The following SOX5 variants were observed in gnomAD, a reference collection of about 807,000 sequenced individuals.
SOX5 encodes SRY-box transcription factor 5, also known as transcription factor SOX-5.
A neutral mutation model predicts 92.0 loss-of-function variants in SOX5; 9 were observed. That is an observed-to-expected ratio of 0.10 (90% CI 0.06 to 0.17). The LOEUF is 0.17. Among genes scored for constraint, SOX5 ranks in the 10% least tolerant of loss-of-function variants. The pLI is 1.00. For missense variants in SOX5, 642 were observed against 944.5 expected (o/e 0.68, Z 4.20); for synonymous variants, 344 against 336.3 (o/e 1.02, Z -0.25).
rs139979415 is a variant in SOX5 at position 24,357,513 on chromosome 12, G to A, written c.-174+11050C>T. 3 of 152,300 alleles carry A rather than the reference G, an allele frequency of 2.0e-5. No homozygotes were observed. In the East Asian group the frequency reaches 5.8e-4, roughly 29 times the overall value. 9.4% of individuals were successfully genotyped at this position (152,300 alleles called of 1,614,324 possible). A position where few individuals can be genotyped will look rare whatever the true frequency, so the allele number is the denominator to read the frequency against. The stretch of plus-strand genomic sequence containing the variant: ...GGGAAAATGCTACAGAAATTAAAAG[G>A]AGATAAGACTACCTACCCCACCAAC... On this transcript the variant is annotated intron_variant, in intron 2 of 4. Transcript: ENST00000446891.
At chr12:23,651,869 A>T (rs2081609606) in intron 7 of SOX5, among the ~76,000 whole-genome samples, 1 of 151,958 alleles carries the variant, frequency 6.6e-6, no homozygotes, top group South Asian at 2.1e-4. Context: ...CCTGTAGTTG[A>T]ACCCATTTCA....
intron 1 of SOX5, among the ~76,000 whole-genome samples, chr12:24,483,501 G>C (rs571229811): frequency 1.8e-4 from 27 of 152,278 alleles, no homozygotes; most frequent in African/African-American, 5.8e-4. Context: ...CAAAACTAAA[G>C]CAAATGAGTA....
chr12:23,905,077 G>A (rs560226020), intron 1 of SOX5, among the ~76,000 whole-genome samples: 71 of 152,300 alleles, frequency 4.7e-4, no homozygotes, highest in African/African-American at 1.6e-3. Flanking sequence ...TTATCTGAAA[G>A]AAATAAATGC....
At chr12:23,767,822 CATATATATAT>C (rs5797038) in intron 3 of SOX5, among the ~76,000 whole-genome samples, 1 of 150,344 alleles carries the variant, frequency 6.7e-6, no homozygotes, top group African/African-American at 2.4e-5. Flanking sequence ...TATCTTCACT[CATATATATAT>C]ATATATATAT....
intron 3 of SOX5, among the ~76,000 whole-genome samples, chr12:24,244,478 C>A (rs1938204453): frequency 6.6e-6 from 1 of 152,196 alleles, no homozygotes; most frequent in African/African-American, 2.4e-5. Context: ...TTTCCCCACT[C>A]CTCACATAGG....
intron 4 of SOX5, among the ~76,000 whole-genome samples, chr12:24,121,796 G>A (rs2958113): frequency 1.6e-4 from 23 of 143,080 alleles, no homozygotes; most frequent in African/African-American, 5.4e-4. Flanking sequence ...TGAGGCAGGA[G>A]AATCGCTTGA....
rs1963253387 is a variant in SOX5, at chr12:24,230,904, A to G, written c.-76-17487T>C. On this transcript the variant is annotated intron_variant, in intron 3 of 4. Transcript: ENST00000446891. ...ACTTCTTATTCTTCCCTGCTTCTTGACAAGATAAATCTAAAAAGTGGCACT... is the reference window on the plus strand; with the variant it reads ...ACTTCTTATTCTTCCCTGCTTCTTGGCAAGATAAATCTAAAAAGTGGCACT... 2.0e-5 allele frequency among the ~76,000 whole-genome samples: 3 copies of G among 152,240 alleles called. No individual in the cohort carries two copies. In the South Asian group the frequency reaches 6.2e-4, roughly 32 times the overall value.
At chr12:23,682,049 T>C (rs1011371334) in intron 6 of SOX5, among the ~76,000 whole-genome samples, 3 of 151,776 alleles carry the variant, frequency 2.0e-5, no homozygotes, top group Non-Finnish European at 4.4e-5. Flanking sequence ...TTAGGTGATA[T>C]AGGCAATTTC....
intron 3 of SOX5, among the ~76,000 whole-genome samples, chr12:23,756,244 AC>A (rs2094372134): frequency 6.6e-6 from 1 of 151,306 alleles, no homozygotes; most frequent in African/African-American, 2.4e-5. Context: ...ATAAAAAAAA[AC>A]AAAAAAAAAA....
At position 23,755,727 on chromosome 12, in the gene SOX5, A is replaced by T. The variant is rs751364206; in HGVS notation, c.482-3T>A. The T allele has an allele frequency of 6.5e-7, 1 of 1,543,842 alleles. No individual in the cohort carries two copies. On this transcript the variant is annotated splice_region_variant and splice_polypyrimidine_tract_variant and intron_variant, in intron 3 of 14. Transcript: ENST00000451604. ...TAGTTTTTCAATACTGGGGGTTTCT[A>T]AGTAAAGAAAAAAAGAAGTGAGCAA...
At chr12:24,023,829 A>G (rs2136720678) in intron 4 of SOX5, among the ~76,000 whole-genome samples, 1 of 152,010 alleles carries the variant, frequency 6.6e-6, no homozygotes, top group Non-Finnish European at 1.5e-5. Flanking sequence ...TTATTGCATG[A>G]TTGCCAGGCA....
At chr12:23,780,286 C>T (rs113757532) in intron 3 of SOX5, among the ~76,000 whole-genome samples, 46 of 151,898 alleles carry the variant, frequency 3.0e-4, no homozygotes, top group African/African-American at 1.1e-3. Flanking sequence ...CAGATTTATA[C>T]ACATCATTTT....
At chr12:23,676,135 T>C (rs891416753) in intron 6 of SOX5, among the ~76,000 whole-genome samples, 17 of 152,100 alleles carry the variant, frequency 1.1e-4, no homozygotes, top group Non-Finnish European at 1.9e-4. Flanking sequence ...GATGAACAAA[T>C]CTAGAGATCT....
intron 4 of SOX5, among the ~76,000 whole-genome samples, chr12:24,129,435 G>A (rs781534393): frequency 6.6e-6 from 1 of 152,096 alleles, no homozygotes; most frequent in East Asian, 1.9e-4. Context: ...TCTTTGGGGT[G>A]TTCCTCTCCC....
chr12:24,545,913 G>A (rs894486995), intron 1 of SOX5, among the ~76,000 whole-genome samples: 1 of 152,128 alleles, frequency 6.6e-6, no homozygotes, highest in Non-Finnish European at 1.5e-5. Context: ...CCCCATTGGC[G>A]AGCTGAAGCC....
intron 1 of SOX5, among the ~76,000 whole-genome samples, chr12:24,408,155 C>T (rs115217683): frequency 0.023 from 3,495 of 152,126 alleles, 63 homozygotes; most frequent in Admixed American, 0.036. Context: ...AAAGGCTCTG[C>T]GACTGCCATA....
intron 6 of SOX5, among the ~76,000 whole-genome samples, chr12:23,726,160 AGAGAGAGAGAGAGAGG>A (rs2093115161): frequency 1.8e-5 from 1 of 55,726 alleles, no homozygotes; most frequent in African/African-American, 6.6e-5. Flanking sequence ...AGAGAGAGAG[AGAGAGAGAGAGAGAGG>A]TCAGTTTCTC....
At chr12:23,845,644 G>GGA (rs1555380069) in intron 3 of SOX5, among the ~76,000 whole-genome samples, 8 of 149,828 alleles carry the variant, frequency 5.3e-5, no homozygotes, top group East Asian at 2.0e-4. Flanking sequence ...ATCCTCAAGG[G>GGA]AAAAAAAAAT....
chr12:24,301,073 A>C (rs1947889296), intron 2 of SOX5, among the ~76,000 whole-genome samples: 3 of 152,298 alleles, frequency 2.0e-5, no homozygotes, highest in Admixed American at 2.0e-4. Flanking sequence ...CCCTGCCATG[A>C]GCCAGCAGCT....
Sources: gnomAD v4.1 joint callset for allele counts (sites outside exome capture counted in the v4.1 genomes callset) on GRCh38, gnomAD v4.1.1 for gene constraint, MANE v1.5 for transcripts, NCBI Gene and HGNC (gene_info 2026-07-23, HGNC 2026-07-21) for gene names.